Variants in PRAG1 observed in about 807,000 individuals in gnomAD.
PRAG1 encodes the protein PEAK1 related, kinase-activating pseudokinase 1, also known as inactive tyrosine-protein kinase PRAG1.
Under a neutral mutation model 95.6 loss-of-function variants are expected in PRAG1, and 110 were observed. The observed-to-expected ratio is 1.15, with a 90% CI of 0.99 to 1.35. The LOEUF (loss-of-function observed/expected upper bound fraction) is 1.35, where lower values mean the gene tolerates loss of function less well. PRAG1 is among the 40% of genes most tolerant of loss of function. PRAG1 has a pLI of 0.00. For synonymous variants in PRAG1, 1,052 were observed against 819.4 expected (o/e 1.28, Z -4.85); for missense variants, 2,554 against 1,864.7 (o/e 1.37, Z -6.81).
intron 2 of PRAG1, among the ~76,000 whole-genome samples, chr8:8,380,073 A>C (rs1187718985): frequency 6.6e-6 from 1 of 151,856 alleles, no homozygotes; most frequent in East Asian, 1.9e-4. Flanking sequence ...TGGGCAAGAC[A>C]GCAAGATCCT....
chr8:8,319,776 TG>T (rs1176685731), intron 5 of PRAG1, among the ~76,000 whole-genome samples: 1 of 152,032 alleles, frequency 6.6e-6, no homozygotes, highest in Non-Finnish European at 1.5e-5. Context: ...CAAAAAAACG[TG>T]GGCAAGAGAT....
In PRAG1 at chr8:8,377,510, T is replaced by C. The variant is rs1210938567; in HGVS notation, c.899A>G (p.Gln300Arg). ...GGGGAAGCTCGGGCCCCGCTTCTCC[T>C]GCTCTGCGGGCCCGGAACACTTCCC... is the stretch of plus-strand genomic sequence containing the variant. ...EQGKCSGPAE[Q>R]EKRGPSFPKE... Residue 300 changes from glutamine (Q) to arginine (R), a missense_variant, in exon 3 of 6, where the codon CAG becomes CGG. Transcript: ENST00000615670. 1 of 1,564,534 alleles carries C rather than the reference T, an allele frequency of 6.4e-7. No individual in the cohort carries two copies. The highest frequency in any genetic ancestry group is 1.4e-5 in the African/African-American group (1 of 73,728).
intron 4 of PRAG1, among the ~76,000 whole-genome samples, chr8:8,330,304 T>C (rs2945903): frequency 0.15 from 22,065 of 152,136 alleles, 1,800 homozygotes; most frequent in East Asian, 0.3. Flanking sequence ...AGTCAGAAAT[T>C]GCAGTGAGCC....
intron 1 of PRAG1, among the ~76,000 whole-genome samples, chr8:8,383,738 A>G (rs1800759243): frequency 6.6e-6 from 1 of 152,158 alleles, no homozygotes. Flanking sequence ...TCCTCCTCCA[A>G]ATACACCCAA....
In PRAG1 at chr8:8,383,840, A is replaced by G. The variant is rs555041961; in HGVS notation, c.-87-2006T>C. Among the ~76,000 whole-genome samples the G allele has an allele frequency of 3.9e-5, 6 of 152,278 alleles. No homozygotes were observed. The East Asian group carries it at 7.7e-4, about 20-fold the overall frequency. ...AGCCAGGTTTTGTCTTTCTCTTATA[A>G]TCTCAGGCCACAGAGAACTGTAGCC... On this transcript the variant is annotated intron_variant, in intron 1 of 5. Coordinates refer to ENST00000615670, the MANE Select transcript of PRAG1 (RefSeq NM_001080826.3).
chr8:8,377,043 C>G lies in PRAG1; in HGVS notation c.1366G>C (p.Ala456Pro). ...CTGNAWAQKAASGWGRDSPDP... is the reference protein window; with the variant it reads ...CTGNAWAQKAPSGWGRDSPDP... ...GGGCTGTCCCGGCCCCAGCCAGATG[C>G]TGCTTTCTGGGCCCAGGCATTACCT... Residue 456 changes from alanine (A) to proline (P), a missense_variant, in exon 3 of 6, where the codon GCA becomes CCA. Physicochemically the swap from Ala to Pro is conservative, Grantham distance 27. Coordinates refer to ENST00000615670, the MANE Select transcript of PRAG1 (RefSeq NM_001080826.3). The G allele has an allele frequency of 6.2e-7, 1 of 1,614,024 alleles. No homozygotes were observed. Among genetic ancestry groups the G allele is most frequent in the Non-Finnish European group, 8.5e-7 (1 of 1,180,030 alleles).
rs1301802634 is a variant in PRAG1, at chr8:8,319,157, A to T, written c.3218T>A (p.Val1073Glu). ...AGGGGGGTGTGTGGGCAGGGCAGGCACAGGGTCCTTGGGCGCGTCGGGGGA... is the reference window on the plus strand; with the variant it reads ...AGGGGGGTGTGTGGGCAGGGCAGGCTCAGGGTCCTTGGGCGCGTCGGGGGA... ...LSSPDAPKDP[V>E]PALPTHPPAQ... is the part of the protein sequence containing the mutation. Residue 1073 changes from valine (V) to glutamate (E), a missense_variant, in exon 6 of 6, where the codon GTG (valine) becomes GAG (glutamate). By Grantham distance (121) the Val-to-Glu change is moderately radical. Coordinates refer to ENST00000615670, the MANE Select transcript of PRAG1 (RefSeq NM_001080826.3). 6 of 1,605,664 alleles carry T rather than the reference A, an allele frequency of 3.7e-6. No homozygotes were observed. The highest frequency in any genetic ancestry group is 4.3e-6 in the Non-Finnish European group (5 of 1,176,106).
At chr8:8,348,744 A>G (rs1799426261) in intron 3 of PRAG1, among the ~76,000 whole-genome samples, 1 of 152,130 alleles carries the variant, frequency 6.6e-6, no homozygotes, top group Non-Finnish European at 1.5e-5. Flanking sequence ...TCCTTCTGTA[A>G]CTGACACTGC....
chr8:8,377,945 C>T lies in PRAG1; in HGVS notation c.464G>A (p.Cys155Tyr). The T allele has an allele frequency of 2.5e-6, 4 of 1,613,946 alleles. No homozygotes were observed. Among genetic ancestry groups the T allele is most frequent in the Non-Finnish European group, 3.4e-6 (4 of 1,179,986 alleles). ...GCCGACCATGGTGTAAGCTGGGGGA[C>T]AGCGAGAATTGCCATCAGGGGAGGT... ...PSTSPDGNSRCPPAYTMVGLH... is the reference protein window; with the variant it reads ...PSTSPDGNSRYPPAYTMVGLH... Residue 155 changes from cysteine (C) to tyrosine (Y), a missense_variant, in exon 3 of 6, where the codon TGT (cysteine) becomes TAT (tyrosine). Physicochemically the swap from Cys to Tyr is radical, Grantham distance 194 (BLOSUM62 -2). Transcript: ENST00000615670.
At chr8:8,378,203 G>T in intron 2 of PRAG1, 125 bp from the exon 3 acceptor site, 1 of 1,137,702 alleles carries the variant, frequency 8.8e-7, no homozygotes, top group South Asian at 1.8e-5. Flanking sequence ...GTGCAGGGGC[G>T]CTGGGGCCGG....
rs147875643 is a variant in PRAG1, at chr8:8,373,761, T to C, written c.2162+2486A>G. The stretch of plus-strand genomic sequence containing the variant: ...AGCCACTAAGTCCGGCCCTTCTTTT[T>C]AATTCTTTTTTCTCCTCTAACTTGT... On this transcript the variant is annotated intron_variant, in intron 3 of 5. Coordinates refer to ENST00000615670, the MANE Select transcript of PRAG1 (RefSeq NM_001080826.3). 1.1e-4 allele frequency among the ~76,000 whole-genome samples: 16 copies of C among 152,302 alleles called. No individual in the cohort carries two copies. In the East Asian group the frequency reaches 3.1e-3, roughly 29 times the overall value.
intron 3 of PRAG1, among the ~76,000 whole-genome samples, chr8:8,369,961 G>C (rs1309292399): frequency 6.6e-6 from 1 of 152,084 alleles, no homozygotes; most frequent in Admixed American, 6.6e-5. Context: ...CAATTCTCAG[G>C]ATCCTTAAGG....
chr8:8,376,207 T>G, intron 3 of PRAG1, 40 bp downstream of exon 3: 1 of 1,586,334 alleles, frequency 6.3e-7, no homozygotes, highest in Non-Finnish European at 8.6e-7. Flanking sequence ...AAGAGCCCTT[T>G]GCCCTGCAGA....
chr8:8,371,535 A>C (rs537267367), intron 3 of PRAG1, among the ~76,000 whole-genome samples: 1 of 152,176 alleles, frequency 6.6e-6, no homozygotes, highest in East Asian at 2.0e-4. Flanking sequence ...CTAGGATTAC[A>C]GGTGTGAGCC....
At chr8:8,365,843 G>C (rs1799985847) in intron 3 of PRAG1, among the ~76,000 whole-genome samples, 1 of 151,444 alleles carries the variant, frequency 6.6e-6, no homozygotes, top group African/African-American at 2.4e-5. Flanking sequence ...AGCTGGACAT[G>C]GTGGTATGCC....
rs200910917 is a variant in PRAG1 at position 8,318,147 on chromosome 8, G to A, written c.*7C>T. ...AGGGGCAGCGACGGTGCAGGCTGGG[G>A]CTTGGCTCACAGAAGCTGCAGGAGC... is the stretch of plus-strand genomic sequence containing the variant. On this transcript the variant is annotated 3_prime_UTR_variant, in exon 6 of 6. Coordinates refer to ENST00000615670, the MANE Select transcript of PRAG1 (RefSeq NM_001080826.3). This position sits in a 1 kb window ranked among gnomAD's most constrained non-coding sequence, Gnocchi z 4.2. The A allele has an allele frequency of 1.1e-4, 173 of 1,608,810 alleles. 1 individual carries two copies. The Admixed American group carries it at 2.9e-3, about 27-fold the overall frequency.
intron 3 of PRAG1, among the ~76,000 whole-genome samples, chr8:8,342,794 A>C (rs1042081710): frequency 2.0e-5 from 3 of 152,238 alleles, no homozygotes; most frequent in Non-Finnish European, 4.4e-5. Context: ...CACCCATTAA[A>C]TTTTAAATTC....
chr8:8,327,704 A>G lies in PRAG1; in HGVS notation c.3072+6T>C. On this transcript the variant is annotated splice_donor_region_variant and intron_variant, in intron 5 of 5. Transcript: ENST00000615670. ...CAGCAGAATGCAAGGAGGGAGTGGT[A>G]CCTACTTTCACAGCATAGGTGCTGC... The G allele has an allele frequency of 1.9e-6, 3 of 1,605,220 alleles. No homozygotes were observed. Among genetic ancestry groups the G allele is most frequent in the Non-Finnish European group, 2.6e-6 (3 of 1,174,398 alleles).
chr8:8,378,717 T>C (rs1371893459), intron 2 of PRAG1, among the ~76,000 whole-genome samples: 3 of 151,866 alleles, frequency 2.0e-5, no homozygotes, highest in African/African-American at 7.3e-5. Context: ...AAAAACTTGG[T>C]GGGCGTGGTG....
Sources: gnomAD v4.1 joint callset for allele counts (sites outside exome capture counted in the v4.1 genomes callset) on GRCh38, gnomAD v4.1.1 for gene constraint, Gnocchi (gnomAD v3.1) non-coding constraint, MANE v1.5 for transcripts, NCBI Gene and HGNC (gene_info 2026-07-23, HGNC 2026-07-21) for gene names.